Variants in TMEM181 observed in about 807,000 individuals in gnomAD.
TMEM181 encodes the protein transmembrane protein 181.
TMEM181 carries 39 observed loss-of-function variants against 71.9 expected under a neutral mutation model. The ratio of observed to expected loss-of-function variants is 0.54; its 90% CI spans 0.42 to 0.71. TMEM181 has a LOEUF of 0.71. Ranked by LOEUF, TMEM181 falls within the 30% of genes least tolerant of loss-of-function variation. TMEM181 has a pLI of 0.00. For missense variants in TMEM181, 595 were observed against 583.0 expected (o/e 1.02, Z -0.21); for synonymous variants, 245 against 228.8 (o/e 1.07, Z -0.64).
Position 158,620,177 on chromosome 6 carries a change from GGGAT to G in TMEM181, c.897-3370_897-3367del, listed in dbSNP as rs1785876489. Among the ~76,000 whole-genome samples the G allele has an allele frequency of 6.6e-6, 1 of 152,280 alleles. No individual in the cohort carries two copies. The highest frequency in any genetic ancestry group is 2.4e-5 in the African/African-American group (1 of 41,558). ...GCCCAGAGGGGAGGCGTGGGAATGT[GGGAT>G]GGTTTGGCACCATGTGGGCTGGTGA... On this transcript the variant is annotated intron_variant, in intron 10 of 16. Coordinates refer to ENST00000684151, the MANE Select transcript of TMEM181 (RefSeq NM_001376852.1). This position sits in a 1 kb window ranked among gnomAD's most constrained non-coding sequence, Gnocchi z 4.5.
rs118105944 is a variant in TMEM181, at chr6:158,550,650, G to A, written c.131+13785G>A. ...TAGCCTCGTGATAGAGTGAGACTCC[G>A]TCTCAAAAAAAAGAAAAAAAAATAC... On this transcript the variant is annotated intron_variant, in intron 1 of 16. Coordinates refer to the TMEM181 transcript ENST00000367090. 9.4e-3 allele frequency among the ~76,000 whole-genome samples: 1,422 copies of A among 151,306 alleles called. 9 individuals are homozygous for A. Among genetic ancestry groups the A allele is most frequent in the Middle Eastern group, 0.02 (6 of 294 alleles).
At chr6:158,603,362 C>A (rs1321859931) in intron 6 of TMEM181, among the ~76,000 whole-genome samples, 1 of 152,138 alleles carries the variant, frequency 6.6e-6, no homozygotes, top group African/African-American at 2.4e-5. Context: ...CTAGATCCCT[C>A]GCCTGCACAG....
chr6:158,629,680 C>T (rs1404011032), intron 14 of TMEM181, 50 bp from the exon 15 acceptor site: 3 of 1,453,848 alleles, frequency 2.1e-6, no homozygotes, highest in South Asian at 1.3e-5. Flanking sequence ...GTAGGCAGAG[C>T]CTCTGACTGA....
At chr6:158,611,159 C>G (rs1297946142) in intron 10 of TMEM181, 1 of 530,326 alleles carries the variant, frequency 1.9e-6, no homozygotes, top group East Asian at 5.2e-5. Context: ...TCTCCTGTCA[C>G]AGAAGCTGCT....
intron 1 of TMEM181, among the ~76,000 whole-genome samples, chr6:158,542,015 C>T (rs759807991): frequency 1.9e-4 from 29 of 150,776 alleles, no homozygotes; most frequent in Non-Finnish European, 4.1e-4. Context: ...AAGCGATTCT[C>T]CTGGCTCAGC....
intron 1 of TMEM181, among the ~76,000 whole-genome samples, chr6:158,563,382 G>A (rs1782298613): frequency 1.3e-5 from 2 of 152,216 alleles, no homozygotes; most frequent in African/African-American, 4.8e-5. Context: ...GACCTCAGGT[G>A]ATCTACCTGC....
At chr6:158,601,745 C>G (rs1293583318) in intron 6 of TMEM181, among the ~76,000 whole-genome samples, 1 of 133,806 alleles carries the variant, frequency 7.5e-6, no homozygotes, top group Non-Finnish European at 1.6e-5. Flanking sequence ...GGTGGCAGAG[C>G]AAGACTGTCT....
chr6:158,631,496 C>T (rs989029536), intron 16 of TMEM181, 107 bp downstream of exon 16: 1 of 1,248,248 alleles, frequency 8.0e-7, no homozygotes. Context: ...GGTATGAAGG[C>T]ATTTACCTTG....
At chr6:158,548,996 C>G (rs1167857896) in intron 1 of TMEM181, among the ~76,000 whole-genome samples, 4 of 152,028 alleles carry the variant, frequency 2.6e-5, no homozygotes, top group African/African-American at 7.3e-5. Context: ...GGGGCCTGCT[C>G]TACTCACCAG....
intron 5 of TMEM181, among the ~76,000 whole-genome samples, chr6:158,587,242 C>G (rs903855802): frequency 6.6e-6 from 1 of 152,242 alleles, no homozygotes; most frequent in African/African-American, 2.4e-5. Context: ...TGCCAGGGTA[C>G]TGGCTGGTCT....
intron 6 of TMEM181, among the ~76,000 whole-genome samples, chr6:158,590,325 A>G (rs1286328940): frequency 2.0e-5 from 3 of 152,034 alleles, no homozygotes; most frequent in African/African-American, 7.3e-5. Flanking sequence ...TCTGTAAAAT[A>G]GCTGCCTCAT....
chr6:158,557,114 C>T (rs903199369), upstream of TMEM181, among the ~76,000 whole-genome samples: 8 of 152,152 alleles, frequency 5.3e-5, no homozygotes, highest in Non-Finnish European at 1.2e-4. Context: ...CGGTGCACCT[C>T]CTAGGATCCC....
chr6:158,542,561 T>C (rs1188228326), intron 1 of TMEM181, among the ~76,000 whole-genome samples: 1 of 152,154 alleles, frequency 6.6e-6, no homozygotes, highest in Non-Finnish European at 1.5e-5. Context: ...TTGTGTACCT[T>C]GGGGTAAGCG....
chr6:158,541,451 GA>G (rs1042721641), intron 1 of TMEM181, among the ~76,000 whole-genome samples: 1 of 149,842 alleles, frequency 6.7e-6, no homozygotes, highest in Non-Finnish European at 1.5e-5. Flanking sequence ...AAAAACAAAA[GA>G]ATTATCTTAG....
intron 1 of TMEM181, among the ~76,000 whole-genome samples, chr6:158,567,800 T>C (rs998454064): frequency 3.9e-5 from 6 of 152,158 alleles, no homozygotes; most frequent in African/African-American, 9.7e-5. Flanking sequence ...GGGGTTGCAG[T>C]AGTACCTATC....
At chr6:158,573,383 C>T (rs1402633660) in intron 1 of TMEM181, 37 bp from the exon 2 acceptor site, 3 of 1,530,568 alleles carry the variant, frequency 2.0e-6, no homozygotes, top group Non-Finnish European at 1.8e-6. Context: ...TCCGGGCCTT[C>T]CCCTGACCGT....
At chr6:158,570,276 A>G (rs1016509673) in intron 1 of TMEM181, among the ~76,000 whole-genome samples, 4 of 143,960 alleles carry the variant, frequency 2.8e-5, no homozygotes, top group Non-Finnish European at 6.0e-5. Flanking sequence ...TCTGTCGCCC[A>G]GGCTGGGGTG....
At chr6:158,555,867 C>T (rs1190086068), upstream of TMEM181, among the ~76,000 whole-genome samples, 2 of 99,220 alleles carry the variant, frequency 2.0e-5, no homozygotes, top group African/African-American at 8.9e-5. Context: ...GAATGTTTTT[C>T]TCTTGGAAGA....
chr6:158,627,104 CCCT>C (rs1278753307), intron 13 of TMEM181, among the ~76,000 whole-genome samples: 1 of 87,788 alleles, frequency 1.1e-5, no homozygotes, highest in African/African-American at 5.8e-5. Context: ...CTCGTTTTCA[CCCT>C]CTCTCACACC....
Sources: gnomAD v4.1 joint callset for allele counts (sites outside exome capture counted in the v4.1 genomes callset) on GRCh38, gnomAD v4.1.1 for gene constraint, Gnocchi (gnomAD v3.1) non-coding constraint, MANE v1.5 for transcripts, NCBI Gene and HGNC (gene_info 2026-07-23, HGNC 2026-07-21) for gene names.